CXCL13: variants seen among roughly 807,000 people sequenced by gnomAD.
CXCL13 encodes the protein C-X-C motif chemokine 13.
CXCL13 carries 7 observed loss-of-function variants against 12.2 expected under a neutral mutation model. The observed-to-expected ratio is 0.57, with a 90% CI of 0.33 to 1.07. CXCL13 has a LOEUF of 1.07. Among genes scored for constraint, CXCL13 ranks in the 50% least tolerant of loss-of-function variants. The pLI is 0.04. For missense variants in CXCL13, 113 were observed against 127.4 expected, an observed-to-expected ratio of 0.89 and a Z score of 0.55; for synonymous variants, 47 against 42.4, an observed-to-expected ratio of 1.11 and a Z score of -0.42.
intron 1 of CXCL13, among the ~76,000 whole-genome samples, chr4:77,575,717 T>C (rs944030265): frequency 6.6e-6 from 1 of 151,802 alleles, no homozygotes; most frequent in African/African-American, 2.4e-5. Flanking sequence ...AAATTAGCTT[T>C]ACTGACACCT....
rs527409252 is a variant in CXCL13, at chr4:77,579,603, G to C, written c.-42-26221G>C. The stretch of plus-strand genomic sequence containing the variant: ...TTTTACAGACACTCCTCTACTCTGT[G>C]GTTTTACTAAAAATTCCAAAGTTGT... On this transcript the variant is annotated intron_variant, in intron 1 of 4. Coordinates refer to the CXCL13 transcript ENST00000286758. 8.5e-5 allele frequency among the ~76,000 whole-genome samples: 13 copies of C among 152,180 alleles called. No homozygotes were observed. In the South Asian group the frequency reaches 2.5e-3, roughly 29 times the overall value.
chr4:77,608,440 C>CAAAAA (rs5859581), intron 2 of CXCL13, among the ~76,000 whole-genome samples: 1 of 129,600 alleles, frequency 7.7e-6, no homozygotes, highest in Non-Finnish European at 1.7e-5. Context: ...AACTCCATCT[C>CAAAAA]AAAAAAAAAA....
rs1725305729 is a variant in CXCL13, at chr4:77,544,625, C to A, written c.-43+32837C>A. On this transcript the variant is annotated intron_variant, in intron 1 of 4. Coordinates refer to the CXCL13 transcript ENST00000286758. ...TTTTTCTTGTAAATTTGTTTGAGTT[C>A]TTTGTAGATTCTGGATATTAGCCCT... is the stretch of plus-strand genomic sequence containing the variant. 2.6e-5 allele frequency among the ~76,000 whole-genome samples: 4 copies of A among 152,086 alleles called. 1 individual carries two copies. The highest frequency in any genetic ancestry group is 5.9e-5 in the Non-Finnish European group (4 of 68,010).
chr4:77,603,491 G>C (rs188242438), upstream of CXCL13, among the ~76,000 whole-genome samples: 1 of 152,332 alleles, frequency 6.6e-6, no homozygotes, highest in East Asian at 1.9e-4. Flanking sequence ...CTGTGAGTCA[G>C]AGAGTGTGAT....
intron 1 of CXCL13, among the ~76,000 whole-genome samples, chr4:77,519,090 G>A (rs1007551137): frequency 6.6e-6 from 1 of 152,190 alleles, no homozygotes; most frequent in African/African-American, 2.4e-5. Context: ...ATCAGCAGCG[G>A]TGTCTGCAGA....
At chr4:77,520,298 C>T (rs1388838832) in intron 1 of CXCL13, among the ~76,000 whole-genome samples, 1 of 152,178 alleles carries the variant, frequency 6.6e-6, no homozygotes, top group Non-Finnish European at 1.5e-5. Flanking sequence ...CTATAAATTA[C>T]CTTGGGCAAT....
intron 1 of CXCL13, among the ~76,000 whole-genome samples, chr4:77,575,898 T>C (rs1189558718): frequency 6.6e-6 from 1 of 151,858 alleles, no homozygotes; most frequent in Admixed American, 6.6e-5. Context: ...TTTCTAAAAT[T>C]CTAATGTCTG....
chr4:77,527,646 GA>G (rs1431066278), intron 1 of CXCL13, among the ~76,000 whole-genome samples: 2 of 150,846 alleles, frequency 1.3e-5, no homozygotes, highest in Non-Finnish European at 3.0e-5. Context: ...AAAAAAAAAA[GA>G]AAGAAAGAAA....
At chr4:77,603,629 T>C (rs1183966735), upstream of CXCL13, among the ~76,000 whole-genome samples, 2 of 152,194 alleles carry the variant, frequency 1.3e-5, no homozygotes, top group African/African-American at 4.8e-5. Flanking sequence ...ATAGGAGTAT[T>C]TACTTTTGAA....
chr4:77,531,684 T>C (rs1044774398), intron 1 of CXCL13, among the ~76,000 whole-genome samples: 1 of 152,122 alleles, frequency 6.6e-6, no homozygotes, highest in African/African-American at 2.4e-5. Flanking sequence ...GGAGTCTAAG[T>C]CTCTTTCTAG....
intron 2 of CXCL13, among the ~76,000 whole-genome samples, chr4:77,608,171 T>G (rs941909760): frequency 1.3e-5 from 2 of 152,134 alleles, no homozygotes; most frequent in African/African-American, 4.8e-5. Context: ...CCAGGCGTGG[T>G]GGCTCACGCC....
At chr4:77,552,541 T>C (rs967695230) in intron 1 of CXCL13, among the ~76,000 whole-genome samples, 1 of 152,144 alleles carries the variant, frequency 6.6e-6, no homozygotes, top group Non-Finnish European at 1.5e-5. Flanking sequence ...ATTTATGGGG[T>C]TCACAGTGGT....
intron 1 of CXCL13, among the ~76,000 whole-genome samples, chr4:77,522,998 G>T (rs939841166): frequency 6.6e-6 from 1 of 152,088 alleles, no homozygotes; most frequent in Non-Finnish European, 1.5e-5. Context: ...TAAATTCTAG[G>T]TTGAAAATTC....
At chr4:77,537,434 A>G (rs1725086467) in intron 1 of CXCL13, among the ~76,000 whole-genome samples, 1 of 152,192 alleles carries the variant, frequency 6.6e-6, no homozygotes, top group Non-Finnish European at 1.5e-5. Flanking sequence ...GGGGAAACCT[A>G]AAGAAGCCAG....
chr4:77,581,458 A>G (rs891650037), intron 1 of CXCL13, among the ~76,000 whole-genome samples: 1 of 152,208 alleles, frequency 6.6e-6, no homozygotes, highest in Admixed American at 6.5e-5. Flanking sequence ...TCTGGTATCA[A>G]TGGCTCTATA....
At chr4:77,553,430 A>G (rs1323418120) in intron 1 of CXCL13, among the ~76,000 whole-genome samples, 1 of 152,226 alleles carries the variant, frequency 6.6e-6, no homozygotes, top group African/African-American at 2.4e-5. Context: ...CCAGGTCTGG[A>G]AAAATGCTTA....
rs527873391 is a variant in CXCL13 at position 77,611,746 on chromosome 4, C to T, written c.*707C>T. ...TTTCACTGACTTTTTTTGTGGGGGGCGGGGCCGGGGGGACTCTGGTATCTA... is the reference window on the plus strand; with the variant it reads ...TTTCACTGACTTTTTTTGTGGGGGGTGGGGCCGGGGGGACTCTGGTATCTA... On this transcript the variant is annotated 3_prime_UTR_variant, in exon 4 of 4. Transcript: ENST00000682537. The T allele has an allele frequency of 1.5e-4, 56 of 380,206 alleles. No individual in the cohort carries two copies. The South Asian group carries it at 2.5e-3, about 17-fold the overall frequency. 23.6% of individuals were successfully genotyped at this position (380,206 alleles called of 1,614,324 possible). A position where few individuals can be genotyped will look rare whatever the true frequency, so the allele number is the denominator to read the frequency against.
In CXCL13 at chr4:77,523,999, G is replaced by A. The variant is rs149497624; in HGVS notation, c.-43+12211G>A. Among the ~76,000 whole-genome samples the A allele has an allele frequency of 6.5e-3, 984 of 152,296 alleles. 8 individuals are homozygous for A. The highest frequency in any genetic ancestry group is 0.022 in the African/African-American group (934 of 41,572). On this transcript the variant is annotated intron_variant, in intron 1 of 4. Transcript: ENST00000286758. ...TGCAGATCTGTTGGAGTTTGCTGGA[G>A]GTCCACTCCAGACCCTGTTTTCCTG...
chr4:77,588,424 A>G (rs1000579666), intron 1 of CXCL13, among the ~76,000 whole-genome samples: 1 of 152,200 alleles, frequency 6.6e-6, no homozygotes, highest in African/African-American at 2.4e-5. Context: ...ACCTTTGAGG[A>G]TCACTATTCT....
Sources: allele counts gnomAD v4.1 joint callset (sites outside exome capture counted in the v4.1 genomes callset), GRCh38; gene constraint gnomAD v4.1.1; transcripts MANE v1.5; gene names NCBI Gene and HGNC (gene_info 2026-07-23, HGNC 2026-07-21).